Variants in PARD3 observed in about 807,000 individuals in gnomAD.
PARD3 encodes the protein par-3 family cell polarity regulator, also known as partitioning defective 3 homolog.
A neutral mutation model predicts 155.4 loss-of-function variants in PARD3; 75 were observed. The observed-to-expected ratio is 0.48, with a 90% CI of 0.40 to 0.58. The LOEUF (loss-of-function observed/expected upper bound fraction) is 0.58. Among genes scored for constraint, PARD3 ranks in the 20% least tolerant of loss-of-function variants. The pLI is 0.00. For missense variants in PARD3, 1,642 were observed against 1,721.7 expected (o/e 0.95, Z 0.82); for synonymous variants, 576 against 610.5 (o/e 0.94, Z 0.83).
chr10:34,155,501 G>A (rs1352497766), intron 22 of PARD3, among the ~76,000 whole-genome samples: 1 of 152,120 alleles, frequency 6.6e-6, no homozygotes, highest in African/African-American at 2.4e-5. Context: ...AGGGATAAAC[G>A]GCTACGTGTT....
intron 22 of PARD3, among the ~76,000 whole-genome samples, chr10:34,171,182 G>C (rs1321039335): frequency 6.6e-6 from 1 of 152,140 alleles, no homozygotes; most frequent in Non-Finnish European, 1.5e-5. Flanking sequence ...TGTATAATTT[G>C]ACAAGCTAAA....
At position 34,530,244 on chromosome 10, in the gene PARD3, G is replaced by GT. The variant is rs753088741; in HGVS notation, c.223-13086dup. On this transcript the variant is annotated intron_variant, in intron 2 of 24. Coordinates refer to ENST00000374788, the MANE Select transcript of PARD3 (RefSeq NM_001184785.2). ...TACATCACAATGTCTGACTTTTTCT[G>GT]TTTTTTTTCTCTAAAAATATTTCCA... is the stretch of plus-strand genomic sequence containing the variant. Among the ~76,000 whole-genome samples, 114 of 151,840 alleles carry GT rather than the reference G, an allele frequency of 7.5e-4. 1 individual carries two copies. The highest frequency in any genetic ancestry group is 2.2e-3 in the African/African-American group (93 of 41,420).
In PARD3 at chr10:34,309,531, G is replaced by A. The variant is rs532350285; in HGVS notation, c.3065+7576C>T. ...ATGATTGCACCACTGTACTCCTGCT[G>A]AGCAAGACCCTGTCTCCAAAAAAAA... On this transcript the variant is annotated intron_variant, in intron 20 of 24. Transcript: ENST00000374788. Among the ~76,000 whole-genome samples the A allele has an allele frequency of 1.1e-4, 12 of 108,194 alleles. No individual in the cohort carries two copies. In the Admixed American group the frequency reaches 1.3e-3, roughly 12 times the overall value. 71.0% of individuals were successfully genotyped at this position (108,194 alleles called of 152,430 possible).
chr10:34,142,202 G>C (rs1276309053), intron 22 of PARD3, among the ~76,000 whole-genome samples: 1 of 152,106 alleles, frequency 6.6e-6, no homozygotes, highest in Non-Finnish European at 1.5e-5. Context: ...TAAAAGATGA[G>C]AGAAAATGTT....
chr10:34,684,298 T>C (rs2093901694), intron 2 of PARD3, among the ~76,000 whole-genome samples: 1 of 152,186 alleles, frequency 6.6e-6, no homozygotes, highest in Non-Finnish European at 1.5e-5. Context: ...CTCAAACTTT[T>C]TCTAATGTAT....
intron 21 of PARD3, among the ~76,000 whole-genome samples, chr10:34,273,113 C>A (rs1955706776): frequency 6.6e-6 from 1 of 152,130 alleles, no homozygotes; most frequent in Non-Finnish European, 1.5e-5. Context: ...ATTGTGCCTC[C>A]CGGTACGTAT....
intron 2 of PARD3, among the ~76,000 whole-genome samples, chr10:34,658,710 C>G (rs1022422376): frequency 5.3e-5 from 8 of 152,172 alleles, no homozygotes; most frequent in African/African-American, 1.7e-4. Flanking sequence ...CCATGTCCCC[C>G]CTCCTGCCTG....
At chr10:34,170,990 TAAAC>T (rs1949760458) in intron 22 of PARD3, among the ~76,000 whole-genome samples, 1 of 152,198 alleles carries the variant, frequency 6.6e-6, no homozygotes, top group African/African-American at 2.4e-5. Context: ...TCGTCTTATC[TAAAC>T]AAACTCACTA....
Position 34,468,378 on chromosome 10 carries a change from G to T in PARD3, c.582+1707C>A, listed in dbSNP as rs575353764. Among the ~76,000 whole-genome samples, 102 of 152,274 alleles carry T rather than the reference G, an allele frequency of 6.7e-4. 1 individual carries two copies. The South Asian group carries it at 7.5e-3, about 11-fold the overall frequency. The stretch of plus-strand genomic sequence containing the variant: ...TCCAAGATGTTGAATGACTTGAAAA[G>T]AAACTTCCGTATGTTTCAAACAGTT... On this transcript the variant is annotated intron_variant, in intron 4 of 24. Transcript: ENST00000374788.
At chr10:34,402,034 C>T in intron 5 of PARD3, 117 bp from the exon 6 acceptor site, 2 of 819,238 alleles carry the variant, frequency 2.4e-6, no homozygotes, top group South Asian at 1.4e-5. Flanking sequence ...TAACTGTTTC[C>T]TCTAAGAAGG....
intron 2 of PARD3, among the ~76,000 whole-genome samples, chr10:34,605,394 C>G (rs2090161375): frequency 6.7e-6 from 1 of 148,512 alleles, no homozygotes; most frequent in African/African-American, 2.5e-5. Flanking sequence ...GGGGTTTCAT[C>G]ATGTTAGCCA....
chr10:34,185,350 C>G (rs977263921), intron 22 of PARD3, among the ~76,000 whole-genome samples: 2 of 152,144 alleles, frequency 1.3e-5, no homozygotes, highest in African/African-American at 2.4e-5. Context: ...AGAATGCTGT[C>G]TTTCATATCC....
intron 22 of PARD3, among the ~76,000 whole-genome samples, chr10:34,260,464 A>G (rs920514079): frequency 1.3e-5 from 2 of 152,178 alleles, no homozygotes; most frequent in African/African-American, 2.4e-5. Context: ...ATCTTCAGCT[A>G]TTAAGGAGAG....
At chr10:34,653,959 A>G (rs2093091844) in intron 2 of PARD3, among the ~76,000 whole-genome samples, 2 of 152,182 alleles carry the variant, frequency 1.3e-5, no homozygotes, top group Admixed American at 1.3e-4. Flanking sequence ...GTTTGTGCCC[A>G]TGTACACAGA....
Position 34,213,396 on chromosome 10 carries a change from C to T in PARD3, c.3419+56261G>A, listed in dbSNP as rs80145264. 7.8e-3 allele frequency among the ~76,000 whole-genome samples: 1,185 copies of T among 152,262 alleles called. 28 individuals are homozygous for T. Among genetic ancestry groups the T allele is most frequent in the African/African-American group, 0.027 (1,137 of 41,530 alleles). ...AGGATCTGCCTCAGTGACCCAAGCACGCCCACCATGCCCCACCTCCCAACA... is the reference window on the plus strand; with the variant it reads ...AGGATCTGCCTCAGTGACCCAAGCATGCCCACCATGCCCCACCTCCCAACA... On this transcript the variant is annotated intron_variant, in intron 22 of 24. Transcript: ENST00000374788.
chr10:34,657,727 C>T (rs190659921), intron 2 of PARD3, among the ~76,000 whole-genome samples: 146 of 151,960 alleles, frequency 9.6e-4, no homozygotes, highest in Middle Eastern at 3.4e-3. Flanking sequence ...TTAGTAGAGA[C>T]GTGGTTTCGC....
In PARD3 at chr10:34,341,611, T is replaced by C. The variant is rs1836841056; in HGVS notation, c.2408+16A>G. 6.2e-7 allele frequency: 1 copy of C among 1,603,436 alleles called. No homozygotes were observed. Among genetic ancestry groups the C allele is most frequent in the Non-Finnish European group, 8.5e-7 (1 of 1,174,834 alleles). On this transcript the variant is annotated intron_variant, in intron 16 of 24. Transcript: ENST00000374788. ...GTAATTAATTCATGTTTTCCAACCCTGGACGATGAGCTTACCAGTCGGCTG... is the reference window on the plus strand; with the variant it reads ...GTAATTAATTCATGTTTTCCAACCCCGGACGATGAGCTTACCAGTCGGCTG...
intron 2 of PARD3, among the ~76,000 whole-genome samples, chr10:34,538,061 C>A (rs2083338707): frequency 2.0e-5 from 3 of 152,170 alleles, no homozygotes; most frequent in Admixed American, 1.3e-4. Context: ...ATGAACAAAA[C>A]AGAATATTGC....
intron 20 of PARD3, among the ~76,000 whole-genome samples, chr10:34,301,111 C>T (rs999933778): frequency 2.6e-5 from 4 of 152,050 alleles, no homozygotes; most frequent in Non-Finnish European, 4.4e-5. Context: ...CACAGTGCCA[C>T]GAAAAAAGCT....
Sources: gnomAD v4.1 joint callset for allele counts (sites outside exome capture counted in the v4.1 genomes callset) on GRCh38, gnomAD v4.1.1 for gene constraint, MANE v1.5 for transcripts, NCBI Gene and HGNC (gene_info 2026-07-23, HGNC 2026-07-21) for gene names.